EYS: variants seen among roughly 807,000 people sequenced by gnomAD.
EYS encodes protein eyes shut homolog.
EYS carries 250 observed loss-of-function variants against 282.1 expected under a neutral mutation model. The ratio of observed to expected loss-of-function variants is 0.89; its 90% CI spans 0.80 to 0.98. The LOEUF is 0.98. Among genes scored for constraint, EYS ranks in the 50% least tolerant of loss-of-function variants. The pLI is 0.00. For synonymous variants in EYS, 1,355 were observed against 1,282.9 expected (o/e 1.06, Z -1.20); for missense variants, 4,016 against 3,709.0 (o/e 1.08, Z -2.15).
At chr6:64,583,903 T>A (rs2149826382) in intron 26 of EYS, among the ~76,000 whole-genome samples, 1 of 152,270 alleles carries the variant, frequency 6.6e-6, no homozygotes, top group African/African-American at 2.4e-5. Context: ...CATAATAATT[T>A]CATTAAAAAT....
chr6:63,828,911 CTG>C (rs886908985), intron 36 of EYS, among the ~76,000 whole-genome samples: 1 of 152,204 alleles, frequency 6.6e-6, no homozygotes, highest in Non-Finnish European at 1.5e-5. Context: ...AACTAGAAAA[CTG>C]TGTGGAGATT....
At chr6:65,391,261 T>C (rs918576828) in intron 7 of EYS, among the ~76,000 whole-genome samples, 1 of 152,110 alleles carries the variant, frequency 6.6e-6, no homozygotes, top group Non-Finnish European at 1.5e-5. Flanking sequence ...GTTGTACTAA[T>C]AGTAGCAAAA....
At chr6:64,252,163 G>A (rs1273174899) in intron 30 of EYS, among the ~76,000 whole-genome samples, 1 of 151,936 alleles carries the variant, frequency 6.6e-6, no homozygotes, top group Non-Finnish European at 1.5e-5. Context: ...GCTTCAGATG[G>A]GATTCATTTG....
intron 12 of EYS, among the ~76,000 whole-genome samples, chr6:65,160,879 G>T (rs1239266078): frequency 3.6e-5 from 5 of 138,412 alleles, no homozygotes; most frequent in Admixed American, 2.8e-4. Flanking sequence ...CCTGTTCCTG[G>T]TTCCCAATTT....
chr6:65,622,229 C>T (rs1766528908), intron 2 of EYS, among the ~76,000 whole-genome samples: 1 of 151,364 alleles, frequency 6.6e-6, no homozygotes. Flanking sequence ...AGAGGAGAAC[C>T]TTTGGAGATG....
intron 36 of EYS, among the ~76,000 whole-genome samples, chr6:63,809,602 T>A (rs1679776738): frequency 6.6e-6 from 1 of 152,140 alleles, no homozygotes; most frequent in Non-Finnish European, 1.5e-5. Flanking sequence ...AAATAAATTG[T>A]TTAGTGTGTA....
Position 65,419,334 on chromosome 6 carries a change from T to A in EYS, c.863-13967A>T, listed in dbSNP as rs539457543. On this transcript the variant is annotated intron_variant, in intron 5 of 42. Coordinates refer to ENST00000503581, the MANE Select transcript of EYS (RefSeq NM_001142800.2). ...TATATGTGTTTTAAAAGACTGAAAA[T>A]ACAAGAGAATGATTAACAATTCTGT... Among the ~76,000 whole-genome samples, 11 of 151,946 alleles carry A rather than the reference T, an allele frequency of 7.2e-5. No homozygotes were observed. In the East Asian group the frequency reaches 2.1e-3, roughly 29 times the overall value.
chr6:64,676,041 C>G (rs1255746894), intron 22 of EYS, among the ~76,000 whole-genome samples: 1 of 146,266 alleles, frequency 6.8e-6, no homozygotes, highest in Non-Finnish European at 1.5e-5. Flanking sequence ...TATAGATATA[C>G]ATATCTATAT....
At chr6:64,295,276 T>C (rs1768880414) in intron 30 of EYS, among the ~76,000 whole-genome samples, 2 of 136,400 alleles carry the variant, frequency 1.5e-5, no homozygotes, top group Non-Finnish European at 3.1e-5. Context: ...TGCACATGTA[T>C]ACATATGTAA....
chr6:64,367,419 T>C (rs1333586806), intron 29 of EYS, among the ~76,000 whole-genome samples: 1 of 151,950 alleles, frequency 6.6e-6, no homozygotes, highest in African/African-American at 2.4e-5. Flanking sequence ...TGGGTCAAAA[T>C]ATAGAGACTT....
chr6:63,791,747 G>A (rs1181572416), intron 37 of EYS, among the ~76,000 whole-genome samples: 4 of 152,126 alleles, frequency 2.6e-5, no homozygotes, highest in Admixed American at 6.6e-5. Context: ...TAGGAATCAT[G>A]AAAGGATTTT....
chr6:63,881,648 T>C (rs999902882), intron 35 of EYS, among the ~76,000 whole-genome samples: 25 of 152,194 alleles, frequency 1.6e-4, no homozygotes, highest in African/African-American at 6.0e-4. Flanking sequence ...TTATTTCACT[T>C]AAGGTTAATC....
intron 31 of EYS, among the ~76,000 whole-genome samples, chr6:64,132,794 A>G (rs1411106855): frequency 6.7e-6 from 1 of 148,940 alleles, no homozygotes; most frequent in South Asian, 2.1e-4. Context: ...AAACAAATAT[A>G]ATACAAATGA....
chr6:64,121,029 T>G (rs1773570866), intron 31 of EYS, among the ~76,000 whole-genome samples: 1 of 152,142 alleles, frequency 6.6e-6, no homozygotes, highest in Non-Finnish European at 1.5e-5. Flanking sequence ...TAGGGACCAC[T>G]CTCAGTTCCT....
At chr6:65,673,062 T>C (rs1034096665) in intron 1 of EYS, among the ~76,000 whole-genome samples, 2 of 152,158 alleles carry the variant, frequency 1.3e-5, no homozygotes, top group Non-Finnish European at 2.9e-5. Context: ...TCACTTCTTT[T>C]GTGATTCTTC....
At chr6:65,087,860 T>C (rs569004486) in intron 12 of EYS, among the ~76,000 whole-genome samples, 1 of 152,300 alleles carries the variant, frequency 6.6e-6, no homozygotes, top group Admixed American at 6.5e-5. Flanking sequence ...TCACTTTGAA[T>C]TGTCATCCCC....
intron 30 of EYS, among the ~76,000 whole-genome samples, chr6:64,262,464 T>C (rs1257256834): frequency 6.6e-6 from 1 of 151,974 alleles, no homozygotes; most frequent in East Asian, 1.9e-4. Context: ...CCTTTAAAAA[T>C]CACAAGTTCT....
chr6:64,645,533 C>T (rs903910429), intron 22 of EYS, among the ~76,000 whole-genome samples: 2 of 152,128 alleles, frequency 1.3e-5, no homozygotes, highest in Non-Finnish European at 2.9e-5. Context: ...TGACATCAGA[C>T]GGCGTGGAGA....
At chr6:64,418,103 C>T (rs1219617646) in intron 28 of EYS, among the ~76,000 whole-genome samples, 1 of 152,088 alleles carries the variant, frequency 6.6e-6, no homozygotes, top group African/African-American at 2.4e-5. Flanking sequence ...GACAGGGAAA[C>T]CACAGGGTGG....
Sources: gnomAD v4.1 joint callset for allele counts (sites outside exome capture counted in the v4.1 genomes callset) on GRCh38, gnomAD v4.1.1 for gene constraint, MANE v1.5 for transcripts, NCBI Gene and HGNC (gene_info 2026-07-23, HGNC 2026-07-21) for gene names.